The following NANOGNB variants were observed in gnomAD, a reference collection of about 807,000 sequenced individuals.
NANOGNB encodes homeobox C14.
NANOGNB carries 30 observed loss-of-function variants against 25.0 expected under a neutral mutation model. The ratio of observed to expected loss-of-function variants is 1.20; its 90% CI spans 0.90 to 1.63. NANOGNB has a LOEUF of 1.63. NANOGNB is among the 40% of genes most tolerant of loss of function. The pLI is 0.00. For synonymous variants in NANOGNB, 84 were observed against 62.1 expected (o/e 1.35, Z -1.66); for missense variants, 200 against 188.1 (o/e 1.06, Z -0.37).
In NANOGNB at chr12:7,770,195, G is replaced by A; in HGVS notation, c.315G>A (p.Glu105=). 6.4e-7 allele frequency: 1 copy of A among 1,552,006 alleles called. No individual in the cohort carries two copies. Among genetic ancestry groups the A allele is most frequent in the Non-Finnish European group, 8.7e-7 (1 of 1,147,042 alleles). ...ATGAGAAACAGAAACAGTATCCCGA[G>A]AAAAGATTAGTCAGCAAATCCCTCA... is the stretch of plus-strand genomic sequence containing the variant. ...RENEKQKQYP[E]KRLVSKSLMH... is the part of the protein sequence containing the mutation. The change falls in exon 2 of 4, where the codon GAG becomes GAA. Residue 105 remains glutamate (E), a synonymous_variant. Coordinates refer to ENST00000382119, the MANE Select transcript of NANOGNB (RefSeq NM_001145465.1).
intron 3 of NANOGNB, 29 bp downstream of exon 3, chr12:7,770,547 G>A: frequency 7.6e-7 from 1 of 1,321,702 alleles, no homozygotes; most frequent in Non-Finnish European, 1.0e-6. Flanking sequence ...TAAAATAAAA[G>A]GAAGTAGAAG....
At position 7,773,852 on chromosome 12, in the gene NANOGNB, T is replaced by C. The variant is rs1162123566; in HGVS notation, c.*1T>C. ...GTCTCGAACTCCTGCCCTCAAGTGATCTTCCTATTTTGGCCTCCAGAAATG... is the reference window on the plus strand; with the variant it reads ...GTCTCGAACTCCTGCCCTCAAGTGACCTTCCTATTTTGGCCTCCAGAAATG... On this transcript the variant is annotated 3_prime_UTR_variant, in exon 4 of 4. Transcript: ENST00000382119. 1.6e-6 allele frequency: 1 copy of C among 639,458 alleles called. No homozygotes were observed. Among genetic ancestry groups the C allele is most frequent in the East Asian group, 3.0e-5 (1 of 33,366 alleles). The allele number at this position is 639,458 out of a possible 1,614,324, so 39.6% of individuals were successfully genotyped here.
In NANOGNB at chr12:7,773,702, G is replaced by A; in HGVS notation, c.516-98G>A. ...ATTGTGCCATTGCACTCCAGCTTGGGTGACAAGAGTGAAACTCCATCTCAA... is the reference window on the plus strand; with the variant it reads ...ATTGTGCCATTGCACTCCAGCTTGGATGACAAGAGTGAAACTCCATCTCAA... On this transcript the variant is annotated intron_variant, in intron 3 of 3. Transcript: ENST00000382119. 1.8e-5 allele frequency: 9 copies of A among 504,582 alleles called. No individual in the cohort carries two copies. In the South Asian group the frequency reaches 2.9e-4, roughly 16 times the overall value. 31.3% of individuals were successfully genotyped at this position (504,582 alleles called of 1,614,324 possible).
At chr12:7,769,267 C>A (rs1451663455) in intron 1 of NANOGNB, among the ~76,000 whole-genome samples, 1 of 151,902 alleles carries the variant, frequency 6.6e-6, no homozygotes, top group Non-Finnish European at 1.5e-5. Context: ...TCAAGCAATT[C>A]TCCTGCCTCA....
rs1424127864 is a variant in NANOGNB, at chr12:7,770,451, T to A, written c.448T>A (p.Phe150Ile). Residue 150 changes from phenylalanine (F) to isoleucine (I), a missense_variant, in exon 3 of 4, where the codon TTT becomes ATT. Phe to Ile is a conservative substitution (Grantham distance 21). Coordinates refer to ENST00000382119, the MANE Select transcript of NANOGNB (RefSeq NM_001145465.1). ...CATTTTTTTGTAGATAAGTCAATGG[T>A]TTTGTAAAACGAGGAAGAAATATAA... ...DMTHKQISQW[F>I]CKTRKKYNKE... The A allele has an allele frequency of 6.5e-7, 1 of 1,538,148 alleles. No individual in the cohort carries two copies. The highest frequency in any genetic ancestry group is 2.0e-5 in the Admixed American group (1 of 50,108).
At chr12:7,773,391 T>A (rs1592111280) in intron 3 of NANOGNB, among the ~76,000 whole-genome samples, 2 of 151,552 alleles carry the variant, frequency 1.3e-5, no homozygotes, top group East Asian at 3.9e-4. Flanking sequence ...TTAACATATT[T>A]TGATGTGTAT....
chr12:7,769,615 C>T (rs764030398), intron 1 of NANOGNB, among the ~76,000 whole-genome samples: 1 of 151,976 alleles, frequency 6.6e-6, no homozygotes, highest in South Asian at 2.1e-4. Context: ...GAGCCACCAC[C>T]TCCCGGGTTA....
chr12:7,772,933 C>T (rs895503828), intron 3 of NANOGNB, among the ~76,000 whole-genome samples: 2 of 152,036 alleles, frequency 1.3e-5, no homozygotes, highest in East Asian at 1.9e-4. Context: ...TATTCTTATG[C>T]GGCCAAGTGG....
At position 7,770,124 on chromosome 12, in the gene NANOGNB, G is replaced by A. The variant is rs143895543; in HGVS notation, c.244G>A (p.Glu82Lys). Residue 82 changes from glutamate (E) to lysine (K), a missense_variant, in exon 2 of 4, where the codon GAA (glutamate) becomes AAA (lysine). Transcript: ENST00000382119. ...KREREKEEKN[E>K]KELQDEQENK... ...AGAACGAGAAAAAGAAGAAAAAAAC[G>A]AAAAGGAGCTGCAAGATGAACAGGA... The A allele has an allele frequency of 1.2e-3, 1,809 of 1,542,674 alleles. 27 individuals carry two copies. In the African/African-American group the frequency reaches 0.022, roughly 19 times the overall value.
rs192514300 is a variant in NANOGNB, at chr12:7,768,657, G to C, written c.103-1326G>C. ...TTGCCATTCTCCTGCCTCAGCCTCC[G>C]GAGTAGCTGGGACTACAGGCACCCG... On this transcript the variant is annotated intron_variant, in intron 1 of 3. Transcript: ENST00000382119. Among the ~76,000 whole-genome samples the C allele has an allele frequency of 5.7e-3, 859 of 151,292 alleles. 6 individuals are homozygous for C. Among genetic ancestry groups the C allele is most frequent in the African/African-American group, 0.019 (803 of 41,266 alleles).
chr12:7,771,516 G>A (rs1194031925), intron 3 of NANOGNB, among the ~76,000 whole-genome samples: 1 of 152,106 alleles, frequency 6.6e-6, no homozygotes, highest in Admixed American at 6.6e-5. Flanking sequence ...ACCGCGCCCA[G>A]CCAATATCAA....
chr12:7,770,618 T>TA, intron 3 of NANOGNB, 100 bp downstream of exon 3: 2 of 273,062 alleles, frequency 7.3e-6, no homozygotes, highest in South Asian at 1.5e-4. Context: ...GCCCATAAAC[T>TA]TTTTTTTTTT....
chr12:7,769,640 C>T (rs1025883710), intron 1 of NANOGNB, among the ~76,000 whole-genome samples: 3 of 151,954 alleles, frequency 2.0e-5, no homozygotes, highest in Non-Finnish European at 4.4e-5. Flanking sequence ...GATCCTCCTG[C>T]CTCAGCCTCC....
intron 3 of NANOGNB, among the ~76,000 whole-genome samples, chr12:7,773,577 A>AAAAAAAC (rs1862607477): frequency 7.0e-6 from 1 of 143,628 alleles, no homozygotes; most frequent in Non-Finnish European, 1.5e-5. Context: ...AAAAAAAAAA[A>AAAAAAAC]AAGCCAGGCT....
At chr12:7,768,037 C>T (rs1018831640) in intron 1 of NANOGNB, among the ~76,000 whole-genome samples, 8 of 152,144 alleles carry the variant, frequency 5.3e-5, no homozygotes, top group Non-Finnish European at 1.2e-4. Flanking sequence ...TTTCAATATT[C>T]ATCCATGTTG....
chr12:7,770,979 C>T (rs939195285), intron 3 of NANOGNB, among the ~76,000 whole-genome samples: 1 of 152,150 alleles, frequency 6.6e-6, no homozygotes, highest in Non-Finnish European at 1.5e-5. Context: ...TCACTCTACT[C>T]AAAACACCAC....
At chr12:7,771,213 TTTTG>T (rs1865289183) in intron 3 of NANOGNB, among the ~76,000 whole-genome samples, 2 of 152,272 alleles carry the variant, frequency 1.3e-5, no homozygotes, top group Non-Finnish European at 2.9e-5. Context: ...TCAACAGCTT[TTTTG>T]TTTGTTTGTT....
intron 3 of NANOGNB, among the ~76,000 whole-genome samples, chr12:7,773,119 A>AG (rs1402222172): frequency 1.3e-5 from 1 of 76,308 alleles, no homozygotes; most frequent in Non-Finnish European, 2.5e-5. Context: ...CAACTGTGAT[A>AG]GTTTTTTTTT....
intron 1 of NANOGNB, among the ~76,000 whole-genome samples, chr12:7,768,916 G>A (rs1388508410): frequency 6.6e-6 from 1 of 151,804 alleles, no homozygotes; most frequent in African/African-American, 2.4e-5. Context: ...ATAGGCATGA[G>A]CCACCACGCC....
Sources: allele counts gnomAD v4.1 joint callset (sites outside exome capture counted in the v4.1 genomes callset), GRCh38; gene constraint gnomAD v4.1.1; transcripts MANE v1.5; gene names NCBI Gene and HGNC (gene_info 2026-07-23, HGNC 2026-07-21).